The following MSI2 variants were observed in gnomAD, a reference collection of about 807,000 sequenced individuals.
MSI2 encodes RNA-binding protein Musashi homolog 2.
A neutral mutation model predicts 45.6 loss-of-function variants in MSI2; 17 were observed. The observed-to-expected ratio is 0.37, with a 90% CI of 0.26 to 0.56. MSI2 has a LOEUF of 0.56. MSI2 is among the 20% of genes least tolerant of loss of function. The pLI, the probability that MSI2 is intolerant of heterozygous loss-of-function variation, is 0.77. For synonymous variants in MSI2, 156 were observed against 158.2 expected, an observed-to-expected ratio of 0.99 and a Z score of 0.11; for missense variants, 293 against 444.2, an observed-to-expected ratio of 0.66 and a Z score of 3.06.
intron 6 of MSI2, among the ~76,000 whole-genome samples, chr17:57,462,855 G>A (rs543920889): frequency 3.3e-4 from 50 of 152,290 alleles, no homozygotes; most frequent in African/African-American, 1.1e-3. Flanking sequence ...CTGCTGTGCC[G>A]GCACCTTCCT....
chr17:57,491,296 G>A (rs1186469481), intron 6 of MSI2, among the ~76,000 whole-genome samples: 1 of 152,200 alleles, frequency 6.6e-6, no homozygotes, highest in East Asian at 1.9e-4. Flanking sequence ...GACAGGTCAT[G>A]GAGTGAATGA....
rs879874075 is a variant in MSI2, at chr17:57,499,942, CTTT to C, written c.406-29724_406-29722del. 7.5e-5 allele frequency among the ~76,000 whole-genome samples: 11 copies of C among 146,800 alleles called. No homozygotes were observed. The South Asian group carries it at 2.4e-3, about 32-fold the overall frequency. The stretch of plus-strand genomic sequence containing the variant: ...CACAGACAAGGCAGAAGCGTGTTCA[CTTT>C]TTTTTTTTTAACCTAACCTCAAAGG... On this transcript the variant is annotated intron_variant, in intron 6 of 13. Coordinates refer to ENST00000284073, the MANE Select transcript of MSI2 (RefSeq NM_138962.4).
rs2086783392 is a variant in MSI2, at chr17:57,529,768, G to A, written c.454+44G>A. ...AAGAGGGTTGCGTTCACCCTCTCCTGGCCTCTCTGTCTGTCATCCCCAGTC... is the reference window on the plus strand; with the variant it reads ...AAGAGGGTTGCGTTCACCCTCTCCTAGCCTCTCTGTCTGTCATCCCCAGTC... On this transcript the variant is annotated intron_variant, in intron 7 of 13. Transcript: ENST00000284073. This position sits in a 1 kb window ranked among gnomAD's most constrained non-coding sequence, Gnocchi z 5.3. 6.5e-7 allele frequency: 1 copy of A among 1,532,804 alleles called. No homozygotes were observed. The highest frequency in any genetic ancestry group is 8.9e-7 in the Non-Finnish European group (1 of 1,117,600). The allele number at this position is 1,532,804 out of a possible 1,614,324, so 95.0% of individuals were successfully genotyped here.
At chr17:57,599,911 G>A (rs11656302) in intron 8 of MSI2, among the ~76,000 whole-genome samples, 19,503 of 152,198 alleles carry the variant, frequency 0.13, 1,197 homozygotes, top group East Asian at 0.17. Context: ...TCTGCACAGG[G>A]TGCAAGCTTG....
intron 6 of MSI2, among the ~76,000 whole-genome samples, chr17:57,484,085 C>A (rs1014084819): frequency 3.3e-5 from 5 of 152,194 alleles, no homozygotes; most frequent in African/African-American, 1.2e-4. Context: ...GAATTTGAAC[C>A]CAGGTAGTTT....
intron 11 of MSI2, among the ~76,000 whole-genome samples, chr17:57,665,313 G>A (rs1007799855): frequency 6.6e-6 from 1 of 152,230 alleles, no homozygotes; most frequent in Non-Finnish European, 1.5e-5. Context: ...AAACAGAGAA[G>A]CAGCCGCCCT....
At chr17:57,412,132 A>G (rs577646942) in intron 6 of MSI2, among the ~76,000 whole-genome samples, 24 of 150,422 alleles carry the variant, frequency 1.6e-4, no homozygotes, top group Middle Eastern at 3.4e-3. Context: ...CTGCCTCCCA[A>G]GTTCAAGCAA....
chr17:57,576,470 T>C (rs1408790942), intron 7 of MSI2, among the ~76,000 whole-genome samples: 1 of 152,166 alleles, frequency 6.6e-6, no homozygotes, highest in Non-Finnish European at 1.5e-5. Context: ...CCATAATCCA[T>C]GTTGGCTGGG....
intron 5 of MSI2, among the ~76,000 whole-genome samples, chr17:57,350,162 G>A (rs560692045): frequency 6.6e-6 from 1 of 151,780 alleles, no homozygotes. Context: ...GTTAATGACT[G>A]GTTTGTTTTC....
At chr17:57,581,004 CTTT>C (rs3059122) in intron 7 of MSI2, among the ~76,000 whole-genome samples, 8 of 66,498 alleles carry the variant, frequency 1.2e-4, no homozygotes, top group South Asian at 6.9e-4. Flanking sequence ...AGGTCAGCAT[CTTT>C]TTTTTTTTTT....
chr17:57,360,178 G>T (rs540956421), intron 5 of MSI2, among the ~76,000 whole-genome samples: 1 of 152,320 alleles, frequency 6.6e-6, no homozygotes, highest in East Asian at 1.9e-4. Context: ...AGCAAGCCTG[G>T]GTCTTCCTTA....
Position 57,389,966 on chromosome 17 carries a change from G to A in MSI2, c.313-11413G>A, listed in dbSNP as rs144116400. On this transcript the variant is annotated intron_variant, in intron 5 of 13. Coordinates refer to ENST00000284073, the MANE Select transcript of MSI2 (RefSeq NM_138962.4). ...GAACAAGAATCTGAAGGCCAGGCAT[G>A]GTGGTTCACTCCTGTAATCCCAGCC... 3.6e-3 allele frequency among the ~76,000 whole-genome samples: 554 copies of A among 152,100 alleles called. 1 individual carries two copies. Among genetic ancestry groups the A allele is most frequent in the African/African-American group, 0.013 (538 of 41,502 alleles).
chr17:57,668,410 G>A (rs1338149526), intron 11 of MSI2, among the ~76,000 whole-genome samples: 1 of 152,176 alleles, frequency 6.6e-6, no homozygotes, highest in Admixed American at 6.5e-5. Flanking sequence ...ATTCACAAGT[G>A]TTAAGTGCTA....
intron 6 of MSI2, among the ~76,000 whole-genome samples, chr17:57,495,858 T>G (rs1459612801): frequency 6.6e-6 from 1 of 152,244 alleles, no homozygotes; most frequent in East Asian, 1.9e-4. Flanking sequence ...TATCTTCTGT[T>G]TTTGTATGTG....
chr17:57,469,558 G>A (rs2085393864), intron 6 of MSI2, among the ~76,000 whole-genome samples: 1 of 152,176 alleles, frequency 6.6e-6, no homozygotes, highest in Admixed American at 6.5e-5. Context: ...GGCTTACAGG[G>A]GATTTTGGTT....
At chr17:57,527,300 C>T (rs894811380) in intron 6 of MSI2, among the ~76,000 whole-genome samples, 3 of 134,728 alleles carry the variant, frequency 2.2e-5, no homozygotes, top group African/African-American at 8.1e-5. Flanking sequence ...ATTCGAATTC[C>T]TATTGAGTCC....
chr17:57,515,582 T>C (rs918677876), intron 6 of MSI2, among the ~76,000 whole-genome samples: 1 of 152,186 alleles, frequency 6.6e-6, no homozygotes, highest in African/African-American at 2.4e-5. Context: ...CTTATTTTTG[T>C]ATTAATCCCT....
In MSI2 at chr17:57,612,370, G is replaced by A. The variant is rs527419047; in HGVS notation, c.538-3600G>A. Among the ~76,000 whole-genome samples, 3 of 95,016 alleles carry A rather than the reference G, an allele frequency of 3.2e-5. 1 individual carries two copies. The highest frequency in any genetic ancestry group is 9.8e-5 in the African/African-American group (3 of 30,536). The allele number at this position is 95,016 out of a possible 152,430, so 62.3% of individuals were successfully genotyped here. On this transcript the variant is annotated intron_variant, in intron 8 of 13. Transcript: ENST00000284073. ...CGCATCTGCGTCATTGAATTAAGTG[G>A]CTGAGTCTCGGGGGTGGAGGGGACT...
chr17:57,626,411 G>A (rs926618966), intron 9 of MSI2: 18 of 152,146 alleles, frequency 1.2e-4, no homozygotes, highest in African/African-American at 3.9e-4. Context: ...ATCACTGGGG[G>A]TTAGTGACAG....
Sources: gnomAD v4.1 joint callset for allele counts (sites outside exome capture counted in the v4.1 genomes callset) on GRCh38, gnomAD v4.1.1 for gene constraint, Gnocchi (gnomAD v3.1) non-coding constraint, MANE v1.5 for transcripts, NCBI Gene and HGNC (gene_info 2026-07-23, HGNC 2026-07-21) for gene names.